BEST3: variants seen among roughly 807,000 people sequenced by gnomAD.
BEST3 encodes bestrophin 3, also known as bestrophin-3.
A neutral mutation model predicts 47.1 loss-of-function variants in BEST3; 50 were observed. That is an observed-to-expected ratio of 1.06 (90% CI 0.85 to 1.34). BEST3 has a LOEUF of 1.34. Ranked by LOEUF, BEST3 falls within the 40% of genes most tolerant of loss-of-function variation. BEST3 has a pLI of 0.00. For missense variants in BEST3, 765 were observed against 817.0 expected, an observed-to-expected ratio of 0.94 and a Z score of 0.78; for synonymous variants, 282 against 298.8, an observed-to-expected ratio of 0.94 and a Z score of 0.58.
intron 9 of BEST3, among the ~76,000 whole-genome samples, chr12:69,667,918 A>C (rs1459302701): frequency 6.6e-6 from 1 of 152,184 alleles, no homozygotes; most frequent in Admixed American, 6.5e-5. Flanking sequence ...ATATATTTTA[A>C]ATTTGTGCTT....
chr12:69,682,127 A>G (rs891543148), intron 4 of BEST3, among the ~76,000 whole-genome samples: 1 of 151,042 alleles, frequency 6.6e-6, no homozygotes, highest in Non-Finnish European at 1.5e-5. Flanking sequence ...TGGGTCTTAT[A>G]TCCTTAGAGA....
Position 69,655,602 on chromosome 12 carries a change from C to T in BEST3, c.1312G>A (p.Val438Met). The change falls in exon 10 of 10, where the codon GTG (valine) becomes ATG (methionine). Residue 438 changes from valine (V) to methionine (M), a missense_variant. Val to Met is a conservative substitution (Grantham distance 21). Transcript: ENST00000330891. ...GCCCTGGGGGGGTTTCTTGAGGGCA[C>T]ATCCAGTAGGTCCCTGGCTGGGCTG... is the stretch of plus-strand genomic sequence containing the variant. ...DLSPARDLLD[V>M]PSRNPPRASP... The T allele has an allele frequency of 6.2e-7, 1 of 1,613,760 alleles. No homozygotes were observed. The highest frequency in any genetic ancestry group is 1.1e-5 in the South Asian group (1 of 91,022).
chr12:69,691,178 T>A (rs1428884499), intron 4 of BEST3, among the ~76,000 whole-genome samples: 1 of 152,226 alleles, frequency 6.6e-6, no homozygotes, highest in Non-Finnish European at 1.5e-5. Context: ...GTAATTTCAT[T>A]ACAATGGCAA....
chr12:69,686,143 G>A (rs1592367852), intron 4 of BEST3, among the ~76,000 whole-genome samples: 2 of 142,608 alleles, frequency 1.4e-5, no homozygotes, highest in Middle Eastern at 7.4e-3. Flanking sequence ...AGGCAGTGGA[G>A]ATTCAGAGAC....
chr12:69,663,665 TA>T (rs372484235), intron 9 of BEST3, among the ~76,000 whole-genome samples: 23 of 150,492 alleles, frequency 1.5e-4, no homozygotes, highest in Admixed American at 2.7e-4. Context: ...CTTTGCCTCT[TA>T]AAAAAAAAGC....
intron 4 of BEST3, among the ~76,000 whole-genome samples, chr12:69,692,592 A>G (rs150689532): frequency 6.6e-6 from 1 of 152,312 alleles, no homozygotes; most frequent in Non-Finnish European, 1.5e-5. Context: ...TGGAGCCTAA[A>G]TTTTAATTCT....
At position 69,689,984 on chromosome 12, in the gene BEST3, T is replaced by C. The variant is rs147551770; in HGVS notation, c.481+3690A>G. Among the ~76,000 whole-genome samples, 317 of 152,266 alleles carry C rather than the reference T, an allele frequency of 2.1e-3. 9 individuals carry two copies. Among genetic ancestry groups the C allele is most frequent in the East Asian group, 0.013 (68 of 5,174 alleles). ...TAAAAAATAAGCATCCCAGAAAAGA[T>C]GCAATACTTCTCAAACTTTGGGGTA... On this transcript the variant is annotated intron_variant, in intron 4 of 9. Coordinates refer to ENST00000330891, the MANE Select transcript of BEST3 (RefSeq NM_032735.3).
Position 69,696,800 on chromosome 12 carries a change from A to G in BEST3, c.152+847T>C, listed in dbSNP as rs537583078. Among the ~76,000 whole-genome samples the G allele has an allele frequency of 1.9e-3, 282 of 152,332 alleles. 1 individual carries two copies. The highest frequency in any genetic ancestry group is 3.4e-3 in the Non-Finnish European group (228 of 68,020). On this transcript the variant is annotated intron_variant, in intron 2 of 9. Transcript: ENST00000330891. ...AGAAGAAAAATAACAAACTATGAAC[A>G]TAGAAAAAATGGAAATACAGCCTCA...
intron 5 of BEST3, among the ~76,000 whole-genome samples, chr12:69,678,525 C>T (rs547710204): frequency 6.6e-6 from 1 of 152,232 alleles, no homozygotes; most frequent in African/African-American, 2.4e-5. Context: ...CTGTTTAAAA[C>T]GCAGCTTCCA....
chr12:69,656,588 T>C (rs955158008), intron 9 of BEST3, among the ~76,000 whole-genome samples: 4 of 152,126 alleles, frequency 2.6e-5, no homozygotes, highest in East Asian at 1.9e-4. Flanking sequence ...CATTTAGTTA[T>C]CACAATAATT....
At chr12:69,670,427 A>C in intron 9 of BEST3, 1 of 702,584 alleles carries the variant, frequency 1.4e-6, no homozygotes, top group Non-Finnish European at 2.6e-6. Context: ...TATTTGCTGG[A>C]ACTACTGAAA....
At chr12:69,650,480 G>C (rs17106870), downstream of BEST3, among the ~76,000 whole-genome samples, 4,687 of 152,294 alleles carry the variant, frequency 0.031, 108 homozygotes, top group Middle Eastern at 0.061. Context: ...TAATAGCCCA[G>C]CACATCAGAA....
At chr12:69,651,370 T>C (rs1593126640), downstream of BEST3, among the ~76,000 whole-genome samples, 1 of 152,310 alleles carries the variant, frequency 6.6e-6, no homozygotes, top group East Asian at 1.9e-4. Flanking sequence ...TTCAAATTTG[T>C]AAAGGAAAAC....
At chr12:69,669,649 C>T (rs920288183) in intron 9 of BEST3, 3 of 152,192 alleles carry the variant, frequency 2.0e-5, no homozygotes, top group Non-Finnish European at 2.9e-5. Flanking sequence ...AATCATCATG[C>T]TCTATGATTT....
chr12:69,666,883 T>G (rs567211854), intron 9 of BEST3, among the ~76,000 whole-genome samples: 39 of 152,354 alleles, frequency 2.6e-4, no homozygotes, highest in African/African-American at 9.1e-4. Flanking sequence ...TTCTTGAATC[T>G]GTCCCTTCTG....
intron 9 of BEST3, chr12:69,670,487 C>T (rs937102401): frequency 5.7e-6 from 4 of 702,764 alleles, no homozygotes; most frequent in Non-Finnish European, 1.0e-5. Context: ...TTTTCAGCCT[C>T]AGAGGCCCCT....
rs1883411193 is a variant in BEST3 at position 69,655,435 on chromosome 12, G to T, written c.1479C>A (p.Ser493=). 1 of 1,614,128 alleles carries T rather than the reference G, an allele frequency of 6.2e-7. No individual in the cohort carries two copies. The stretch of plus-strand genomic sequence containing the variant: ...CAGGTACCAGTGGCATTTTGATGGG[G>T]GAAGTTCTCACACTGGACTGTGGGG... ...SLTPQSSVRT[S]PIKMPLVPEV... Residue 493 remains serine, a synonymous_variant, in exon 10 of 10, where the codon TCC becomes TCA. Transcript: ENST00000330891.
intron 5 of BEST3, among the ~76,000 whole-genome samples, 159 bp downstream of exon 5, chr12:69,678,580 C>T (rs1482616816): frequency 6.6e-6 from 1 of 152,226 alleles, no homozygotes. Flanking sequence ...TGTACCACCT[C>T]TGTCCTGCAT....
chr12:69,693,775 GTCCTT>G lies in BEST3; in HGVS notation c.375_379del (p.Arg125SerfsTer33). 1 of 1,614,172 alleles carries G rather than the reference GTCCTT, an allele frequency of 6.2e-7. No individual in the cohort carries two copies. Among genetic ancestry groups the G allele is most frequent in the Non-Finnish European group, 8.5e-7 (1 of 1,180,026 alleles). ...GGTGAGATTGACGTAGCGCATCAGC[GTCCTT>G]CTAAGCAGGCGCCCGTGCTCGTCGC... On this transcript the variant is annotated frameshift_variant, in exon 4 of 10. Coordinates refer to ENST00000330891, the MANE Select transcript of BEST3 (RefSeq NM_032735.3). LOFTEE classifies it high-confidence loss of function.
Sources: allele counts gnomAD v4.1 joint callset (sites outside exome capture counted in the v4.1 genomes callset), GRCh38; gene constraint gnomAD v4.1.1; transcripts MANE v1.5; gene names NCBI Gene and HGNC (gene_info 2026-07-23, HGNC 2026-07-21).